The following KLRG1 variants were observed in gnomAD, a reference collection of about 807,000 sequenced individuals.
KLRG1 encodes the protein killer cell lectin-like receptor subfamily G member 1.
KLRG1 carries 16 observed loss-of-function variants against 21.8 expected under a neutral mutation model. The ratio of observed to expected loss-of-function variants is 0.73; its 90% CI spans 0.50 to 1.11. The LOEUF is 1.11. KLRG1 is among the 50% of genes most tolerant of loss of function. The probability of loss-of-function intolerance (pLI) is 0.00; values close to 1 mark genes in which losing one functional copy is unlikely to be tolerated. For missense variants in KLRG1, 173 were observed against 218.3 expected, an observed-to-expected ratio of 0.79 and a Z score of 1.31; for synonymous variants, 69 against 75.9, an observed-to-expected ratio of 0.91 and a Z score of 0.47.
the KLRG1 span, chr12:9,192,705 T>C: frequency 1.2e-5 from 20 of 1,613,328 alleles, no homozygotes; most frequent in Middle Eastern, 1.7e-4. Context: ...TACCCATGAA[T>C]AGTGAAAACA....
At chr12:9,207,272 G>GT in the KLRG1 span, among the ~76,000 whole-genome samples, 1 of 152,176 alleles carries the variant, frequency 6.6e-6, no homozygotes, top group African/African-American at 2.4e-5. Flanking sequence ...TAGAAGTGCA[G>GT]TGTGGGTATG....
the KLRG1 span, chr12:9,148,878 T>C: frequency 9.0e-7 from 1 of 1,108,452 alleles, no homozygotes. Flanking sequence ...AGCAAATATT[T>C]TTAGTGTCTA....
chr12:9,079,181 G>T, the KLRG1 span: 1 of 1,229,906 alleles, frequency 8.1e-7, no homozygotes, highest in Non-Finnish European at 1.2e-6. Context: ...GAATATAATT[G>T]AGGTAATACA....
At chr12:9,162,882 G>A in the KLRG1 span, among the ~76,000 whole-genome samples, 332 of 152,200 alleles carry the variant, frequency 2.2e-3, 2 homozygotes, top group African/African-American at 7.3e-3. Context: ...ATCACCTAGG[G>A]ATTAAGCCCA....
At chr12:9,044,536 G>A in the KLRG1 span, among the ~76,000 whole-genome samples, 20 of 152,062 alleles carry the variant, frequency 1.3e-4, no homozygotes, top group Non-Finnish European at 2.1e-4. Flanking sequence ...GCGTGGTGGC[G>A]TGCACCTATA....
the KLRG1 span, chr12:9,181,911 A>G: frequency 6.5e-7 from 1 of 1,537,882 alleles, no homozygotes; most frequent in Non-Finnish European, 8.8e-7. Context: ...TCTCTGGGGT[A>G]AAATAGATGG....
chr12:9,114,432 ATACT>A, the KLRG1 span, among the ~76,000 whole-genome samples: 1 of 152,190 alleles, frequency 6.6e-6, no homozygotes, highest in African/African-American at 2.4e-5. Flanking sequence ...TTTTAAATTA[ATACT>A]TAGATTACTT....
At chr12:9,052,695 G>A in the KLRG1 span, 1 of 383,990 alleles carries the variant, frequency 2.6e-6, no homozygotes, top group Non-Finnish European at 5.1e-6. Flanking sequence ...CTCTGGAGCT[G>A]GAATGCTTAG....
At chr12:9,169,001 C>T in the KLRG1 span, 5 of 1,474,330 alleles carry the variant, frequency 3.4e-6, no homozygotes, top group Non-Finnish European at 3.8e-6. Flanking sequence ...GTTCAATCTA[C>T]TTGTAAGCTT....
the KLRG1 span, chr12:9,080,231 C>A: frequency 1.6e-6 from 2 of 1,226,540 alleles, no homozygotes; most frequent in Non-Finnish European, 2.3e-6. Flanking sequence ...TTATATCTTT[C>A]TAAACAGCTC....
chr12:9,088,400 G>A, the KLRG1 span, among the ~76,000 whole-genome samples: 140 of 151,980 alleles, frequency 9.2e-4, 1 homozygote, highest in African/African-American at 3.2e-3. Context: ...ACTCAGAAAC[G>A]GAGAAGTCAT....
At chr12:9,196,196 T>C in the KLRG1 span, 8 of 563,678 alleles carry the variant, frequency 1.4e-5, no homozygotes, top group African/African-American at 1.5e-4. Flanking sequence ...AAGGAAAGTA[T>C]TTCTCCTTGG....
the KLRG1 span, chr12:9,077,810 A>G: frequency 6.2e-7 from 1 of 1,614,194 alleles, no homozygotes. Context: ...ATCGATGAAG[A>G]TGTAGGCTCG....
chr12:8,980,479 T>G (rs1005162965), intron 1 of KLRG1, among the ~76,000 whole-genome samples: 3 of 152,228 alleles, frequency 2.0e-5, no homozygotes, highest in African/African-American at 7.2e-5. Flanking sequence ...CTTATAGGCT[T>G]GCAGTGGTGT....
chr12:9,087,801 A>ACAAC, the KLRG1 span, among the ~76,000 whole-genome samples: 1 of 152,250 alleles, frequency 6.6e-6, no homozygotes, highest in African/African-American at 2.4e-5. Context: ...AACAACAACA[A>ACAAC]CAACCAACCA....
intron 3 of KLRG1, among the ~76,000 whole-genome samples, chr12:9,005,186 A>G (rs915399767): frequency 2.0e-5 from 3 of 149,564 alleles, no homozygotes; most frequent in Non-Finnish European, 4.4e-5. Context: ...GGGGAACATC[A>G]CACACCGGGC....
At chr12:9,164,444 T>A in the KLRG1 span, among the ~76,000 whole-genome samples, 57 of 152,330 alleles carry the variant, frequency 3.7e-4, no homozygotes, top group South Asian at 0.011. Flanking sequence ...AGATTGGTTG[T>A]GTATTAGGAG....
At chr12:8,997,220 C>T (rs1947158990) in intron 3 of KLRG1, among the ~76,000 whole-genome samples, 1 of 152,150 alleles carries the variant, frequency 6.6e-6, no homozygotes, top group Non-Finnish European at 1.5e-5. Flanking sequence ...CTCCTTGGGG[C>T]CAAGTCAGTG....
the KLRG1 span, among the ~76,000 whole-genome samples, chr12:9,052,105 A>T: frequency 1.3e-5 from 2 of 152,212 alleles, no homozygotes; most frequent in African/African-American, 4.8e-5. Context: ...GTCTGCAGGC[A>T]TGGCTGGATC....
Sources: allele counts gnomAD v4.1 joint callset (sites outside exome capture counted in the v4.1 genomes callset), GRCh38; gene constraint gnomAD v4.1.1; transcripts MANE v1.5; gene names NCBI Gene and HGNC (gene_info 2026-07-23, HGNC 2026-07-21).